Variants in EPHA5 observed in about 807,000 individuals in gnomAD.
EPHA5 encodes EPH receptor A5, also known as ephrin type-A receptor 5.
In EPHA5, 60 loss-of-function variants were observed where a neutral mutation model predicts 105.0. That is an observed-to-expected ratio of 0.57 (90% CI 0.46 to 0.71). The LOEUF is 0.71. Ranked by LOEUF, EPHA5 falls within the 30% of genes least tolerant of loss-of-function variation. The probability of loss-of-function intolerance (pLI) is 0.00; values close to 1 mark genes in which losing one functional copy is unlikely to be tolerated. For synonymous variants in EPHA5, 513 were observed against 449.1 expected, an observed-to-expected ratio of 1.14 and a Z score of -1.80; for missense variants, 1,218 against 1,274.7, an observed-to-expected ratio of 0.96 and a Z score of 0.68.
intron 3 of EPHA5, among the ~76,000 whole-genome samples, chr4:65,513,970 T>C (rs1287937616): frequency 6.6e-6 from 1 of 152,200 alleles, no homozygotes; most frequent in Non-Finnish European, 1.5e-5. Context: ...CCTACTCTAG[T>C]GACTGTTCTT....
intron 3 of EPHA5, among the ~76,000 whole-genome samples, chr4:65,540,614 G>C (rs1359028148): frequency 6.6e-6 from 1 of 151,400 alleles, no homozygotes; most frequent in East Asian, 1.9e-4. Context: ...ATGAATTTAA[G>C]ATGGCAGGTT....
intron 5 of EPHA5, among the ~76,000 whole-genome samples, chr4:65,476,143 T>TGTGG (rs1553922821): frequency 7.9e-5 from 12 of 151,608 alleles, no homozygotes; most frequent in African/African-American, 2.9e-4. Context: ...TGTGTGTGTG[T>TGTGG]GTGTGTGTGT....
chr4:65,327,118 T>A (rs1227854335), intron 16 of EPHA5, among the ~76,000 whole-genome samples: 2 of 151,154 alleles, frequency 1.3e-5, no homozygotes, highest in African/African-American at 4.8e-5. Flanking sequence ...CCCTCAATGT[T>A]TCGGTAGTTT....
At chr4:65,438,668 A>T (rs1725721804) in intron 5 of EPHA5, among the ~76,000 whole-genome samples, 1 of 152,032 alleles carries the variant, frequency 6.6e-6, no homozygotes, top group Admixed American at 6.6e-5. Context: ...AAAGTGTGGA[A>T]GTGAACAGTA....
chr4:65,668,535 G>T (rs895978306), intron 1 of EPHA5, among the ~76,000 whole-genome samples: 1 of 152,170 alleles, frequency 6.6e-6, no homozygotes, highest in Non-Finnish European at 1.5e-5. Flanking sequence ...CCCGAGCTCA[G>T]TCCGGGTGTG....
intron 3 of EPHA5, among the ~76,000 whole-genome samples, chr4:65,552,508 T>C (rs1560687182): frequency 6.6e-6 from 1 of 152,180 alleles, no homozygotes; most frequent in Non-Finnish European, 1.5e-5. Flanking sequence ...AAATCTCATT[T>C]AGGATTCAAG....
Position 65,669,075 on chromosome 4 carries a change from C to T in EPHA5, c.181+487G>A, listed in dbSNP as rs536695770. Among the ~76,000 whole-genome samples, 364 of 152,154 alleles carry T rather than the reference C, an allele frequency of 2.4e-3. 1 individual carries two copies. The highest frequency in any genetic ancestry group is 8.1e-3 in the African/African-American group (336 of 41,504). ...CAGGCACTTTCCCCAAAAATAAAAG[C>T]ATCCAGCCACCCCCACAACGTTTCC... On this transcript the variant is annotated intron_variant, in intron 1 of 16. Transcript: ENST00000613740.
chr4:65,654,303 C>T (rs6812450), intron 1 of EPHA5, among the ~76,000 whole-genome samples: 136,297 of 151,418 alleles, frequency 0.9, 61,438 homozygotes, highest in Non-Finnish European at 0.91. Context: ...ATTTGTAACC[C>T]AATATAGTTC....
At chr4:65,526,454 T>C (rs904183713) in intron 3 of EPHA5, among the ~76,000 whole-genome samples, 7 of 151,656 alleles carry the variant, frequency 4.6e-5, no homozygotes, top group African/African-American at 1.7e-4. Context: ...AATCTGTCTT[T>C]ACAAAAAATT....
chr4:65,465,031 ATGAAATTTCCAGAAAAT>A (rs911693775), intron 5 of EPHA5, among the ~76,000 whole-genome samples: 10 of 152,194 alleles, frequency 6.6e-5, no homozygotes, highest in Non-Finnish European at 1.0e-4. Context: ...TGTAAGAGTG[ATGAAATTTCCAGAAAAT>A]TGAAATTTCC....
At chr4:65,636,815 T>C (rs1747162440) in intron 2 of EPHA5, among the ~76,000 whole-genome samples, 1 of 152,054 alleles carries the variant, frequency 6.6e-6, no homozygotes, top group African/African-American at 2.4e-5. Flanking sequence ...TTTTTCTCCT[T>C]GATTCTTCAT....
At chr4:65,458,756 A>G (rs1449654032) in intron 5 of EPHA5, among the ~76,000 whole-genome samples, 1 of 152,086 alleles carries the variant, frequency 6.6e-6, no homozygotes, top group Non-Finnish European at 1.5e-5. Flanking sequence ...ATTATATAGT[A>G]CATGTATAAA....
chr4:65,367,274 A>T, intron 9 of EPHA5, 83 bp downstream of exon 9: 1 of 1,208,412 alleles, frequency 8.3e-7, no homozygotes. Context: ...AGTTATTATA[A>T]ATCTTGTAGC....
intron 3 of EPHA5, among the ~76,000 whole-genome samples, chr4:65,537,191 A>G (rs191912912): frequency 1.3e-5 from 2 of 151,902 alleles, no homozygotes; most frequent in East Asian, 1.9e-4. Context: ...TGGGCCACTT[A>G]TTTTCCAATA....
intron 3 of EPHA5, chr4:65,573,319 G>A (rs1180860608): frequency 3.7e-6 from 2 of 533,934 alleles, no homozygotes; most frequent in Non-Finnish European, 6.4e-6. Context: ...GCGGAGGCAG[G>A]AGAATGGCGT....
At chr4:65,631,668 C>A (rs1202246903) in intron 2 of EPHA5, among the ~76,000 whole-genome samples, 1 of 150,322 alleles carries the variant, frequency 6.7e-6, no homozygotes, top group African/African-American at 2.4e-5. Flanking sequence ...ATACTTAAGT[C>A]AAATCTAAAG....
chr4:65,538,905 A>T (rs1040390534), intron 3 of EPHA5, among the ~76,000 whole-genome samples: 1 of 151,698 alleles, frequency 6.6e-6, no homozygotes, highest in African/African-American at 2.4e-5. Context: ...TCCAACACTC[A>T]TGTTGGTGAT....
rs959501042 is a variant in EPHA5 at position 65,320,833 on chromosome 4, A to G, written c.*3281T>C. On this transcript the variant is annotated 3_prime_UTR_variant, in exon 17 of 17. Coordinates refer to ENST00000613740, the MANE Select transcript of EPHA5 (RefSeq NM_001281766.3). ...TGTTGTTTAGGCAACTCTGAAACCA[A>G]TAATGCTGGCCACACTTAAGTTTAG... 1 of 230,188 alleles carries G rather than the reference A, an allele frequency of 4.3e-6. No homozygotes were observed. Among genetic ancestry groups the G allele is most frequent in the Admixed American group, 5.7e-5 (1 of 17,606 alleles). 14.3% of individuals were successfully genotyped at this position (230,188 alleles called of 1,614,324 possible).
chr4:65,516,302 C>T (rs768429022), intron 3 of EPHA5, among the ~76,000 whole-genome samples: 8 of 152,012 alleles, frequency 5.3e-5, no homozygotes, highest in Non-Finnish European at 1.2e-4. Flanking sequence ...GTAGCATAAG[C>T]TAGATAAATG....
Sources: gnomAD v4.1 joint callset for allele counts (sites outside exome capture counted in the v4.1 genomes callset) on GRCh38, gnomAD v4.1.1 for gene constraint, MANE v1.5 for transcripts, NCBI Gene and HGNC (gene_info 2026-07-23, HGNC 2026-07-21) for gene names.